FRMD4A: variants seen among roughly 807,000 people sequenced by gnomAD.
FRMD4A encodes the protein FERM domain containing 4A.
Under a neutral mutation model 129.1 loss-of-function variants are expected in FRMD4A, and 29 were observed. The ratio of observed to expected loss-of-function variants is 0.22; its 90% CI spans 0.17 to 0.31. The LOEUF is 0.31. Among genes scored for constraint, FRMD4A ranks in the 10% least tolerant of loss-of-function variants. The pLI, the probability that FRMD4A is intolerant of heterozygous loss-of-function variation, is 1.00. For synonymous variants in FRMD4A, 634 were observed against 571.6 expected (o/e 1.11, Z -1.56); for missense variants, 1,272 against 1,375.8 (o/e 0.92, Z 1.19).
At chr10:13,673,482 G>A (rs1199907144) in intron 16 of FRMD4A, among the ~76,000 whole-genome samples, 1 of 152,142 alleles carries the variant, frequency 6.6e-6, no homozygotes, top group East Asian at 1.9e-4. Flanking sequence ...GTTTACCGGC[G>A]AAGCTCTTTC....
intron 12 of FRMD4A, among the ~76,000 whole-genome samples, chr10:13,735,562 T>G (rs1221263261): frequency 6.6e-6 from 1 of 152,232 alleles, no homozygotes; most frequent in East Asian, 1.9e-4. Context: ...TCATCACCTC[T>G]TCACTCTTCA....
chr10:13,864,505 A>G (rs563703751), intron 2 of FRMD4A, among the ~76,000 whole-genome samples: 1 of 150,980 alleles, frequency 6.6e-6, no homozygotes, highest in Non-Finnish European at 1.5e-5. Flanking sequence ...TGGTTTAGCC[A>G]CTTGTTGATG....
At chr10:14,098,320 C>A (rs1394124640) in intron 2 of FRMD4A, among the ~76,000 whole-genome samples, 2 of 151,136 alleles carry the variant, frequency 1.3e-5, no homozygotes, top group African/African-American at 2.4e-5. Flanking sequence ...ATCATTCTCT[C>A]CAATATTCTC....
chr10:13,979,267 T>C (rs2131400153), intron 2 of FRMD4A, among the ~76,000 whole-genome samples: 1 of 152,164 alleles, frequency 6.6e-6, no homozygotes, highest in East Asian at 1.9e-4. Context: ...AGTGAAGTTG[T>C]AAAGTGGGGG....
chr10:13,874,844 G>C (rs2094473261), intron 2 of FRMD4A, among the ~76,000 whole-genome samples: 1 of 152,168 alleles, frequency 6.6e-6, no homozygotes, highest in Admixed American at 6.5e-5. Context: ...GATCTTATTA[G>C]GTATATAATG....
intron 5 of FRMD4A, among the ~76,000 whole-genome samples, chr10:13,783,438 G>T (rs2092783555): frequency 6.6e-6 from 1 of 151,844 alleles, no homozygotes; most frequent in African/African-American, 2.4e-5. Flanking sequence ...GTCCAGGCTG[G>T]AGTGCAGTGG....
chr10:14,215,345 C>T (rs1843042740), intron 2 of FRMD4A, among the ~76,000 whole-genome samples: 1 of 152,046 alleles, frequency 6.6e-6, no homozygotes, highest in South Asian at 2.1e-4. Context: ...AATGAAATAA[C>T]GTGTGCAATT....
chr10:13,660,181 G>A (rs770178249), intron 20 of FRMD4A, 135 bp downstream of exon 20: 3 of 634,082 alleles, frequency 4.7e-6, no homozygotes, highest in South Asian at 4.0e-5. Flanking sequence ...GCACGGCCCC[G>A]TGAAAGGCAA....
intron 12 of FRMD4A, among the ~76,000 whole-genome samples, chr10:13,725,413 G>A (rs2089816576): frequency 6.6e-6 from 1 of 152,206 alleles, no homozygotes; most frequent in Non-Finnish European, 1.5e-5. Context: ...TGTCACCCTG[G>A]GAGAGATTTA....
chr10:14,307,137 C>T (rs193298570), intron 2 of FRMD4A, among the ~76,000 whole-genome samples: 158 of 152,294 alleles, frequency 1.0e-3, no homozygotes, highest in Middle Eastern at 0.01. Context: ...TTCATGGTTT[C>T]TGACTTCTGA....
At chr10:13,976,421 C>A (rs2131394938) in intron 2 of FRMD4A, among the ~76,000 whole-genome samples, 1 of 152,248 alleles carries the variant, frequency 6.6e-6, no homozygotes, top group East Asian at 1.9e-4. Flanking sequence ...GTACGGACTC[C>A]CAGCCCCATC....
chr10:13,958,281 G>GC (rs1384044755), intron 2 of FRMD4A, among the ~76,000 whole-genome samples: 2 of 104,660 alleles, frequency 1.9e-5, no homozygotes, highest in Non-Finnish European at 3.6e-5. Context: ...CATGACCATT[G>GC]TTTTTTTTTT....
At chr10:14,109,149 T>C (rs563652348) in intron 2 of FRMD4A, among the ~76,000 whole-genome samples, 123 of 151,172 alleles carry the variant, frequency 8.1e-4, no homozygotes, top group African/African-American at 2.7e-3. Context: ...GACATCTACA[T>C]AGTTTCTTGA....
chr10:13,822,720 C>G (rs968013506), intron 3 of FRMD4A, among the ~76,000 whole-genome samples: 3 of 152,182 alleles, frequency 2.0e-5, no homozygotes, highest in Non-Finnish European at 4.4e-5. Context: ...GATCACACAG[C>G]TCCAGGCAGC....
chr10:13,883,034 C>T (rs2094565267), intron 2 of FRMD4A, among the ~76,000 whole-genome samples: 1 of 151,910 alleles, frequency 6.6e-6, no homozygotes, highest in Non-Finnish European at 1.5e-5. Flanking sequence ...GAACTTCTGT[C>T]CTCAAGTGAT....
chr10:13,725,884 C>T (rs772132824), intron 12 of FRMD4A, among the ~76,000 whole-genome samples: 2 of 152,222 alleles, frequency 1.3e-5, no homozygotes, highest in Non-Finnish European at 2.9e-5. Context: ...GACAAGTAAA[C>T]TTATTCAAGA....
At chr10:14,330,023 G>A (rs1348576578) in intron 2 of FRMD4A, 35 bp downstream of exon 2, 4 of 1,549,582 alleles carry the variant, frequency 2.6e-6, no homozygotes, top group Middle Eastern at 1.7e-4. Context: ...TGGAGTGGAC[G>A]CTGCCCGGGC....
intron 15 of FRMD4A, among the ~76,000 whole-genome samples, chr10:13,676,677 C>G (rs1327030734): frequency 6.6e-6 from 1 of 152,126 alleles, no homozygotes; most frequent in African/African-American, 2.4e-5. Context: ...CCATTGACAA[C>G]TGCATCAAAG....
intron 2 of FRMD4A, among the ~76,000 whole-genome samples, chr10:14,200,069 C>T (rs142592981): frequency 6.8e-6 from 1 of 147,652 alleles, no homozygotes; most frequent in Non-Finnish European, 1.5e-5. Context: ...GTTGCCCAGG[C>T]TGGAGTGCAG....
Sources: gnomAD v4.1 joint callset for allele counts (sites outside exome capture counted in the v4.1 genomes callset) on GRCh38, gnomAD v4.1.1 for gene constraint, MANE v1.5 for transcripts, NCBI Gene and HGNC (gene_info 2026-07-23, HGNC 2026-07-21) for gene names.